GARIN2: variants seen among roughly 807,000 people sequenced by gnomAD.
GARIN2 encodes the protein Golgi-associated RAB2 interactor protein 2.
At chr14:67,207,020 T>C in the GARIN2 span, among the ~76,000 whole-genome samples, 154 of 152,314 alleles carry the variant, frequency 1.0e-3, no homozygotes, top group African/African-American at 3.6e-3. Context: ...TTATTCATTA[T>C]AGGATTTTCC....
the GARIN2 span, chr14:67,200,519 T>A: frequency 3.5e-6 from 1 of 285,776 alleles, no homozygotes; most frequent in Non-Finnish European, 6.4e-6. Flanking sequence ...ATTTTGCAAA[T>A]GCACAGAGAA....
the GARIN2 span, among the ~76,000 whole-genome samples, chr14:67,211,245 A>G: frequency 1.3e-5 from 2 of 152,218 alleles, no homozygotes; most frequent in African/African-American, 2.4e-5. Flanking sequence ...AGGTATAGAT[A>G]TAGATAAAAT....
At chr14:67,212,624 AT>A in the GARIN2 span, among the ~76,000 whole-genome samples, 2 of 145,628 alleles carry the variant, frequency 1.4e-5, no homozygotes, top group Non-Finnish European at 3.0e-5. Context: ...TGTAATATAT[AT>A]TATATATAAT....
At chr14:67,228,297 T>G in the GARIN2 span, 1 of 346,968 alleles carries the variant, frequency 2.9e-6, no homozygotes, top group Non-Finnish European at 4.0e-6. Context: ...TAAATATAAT[T>G]TTGTTTGTTT....
chr14:67,225,962 T>C, the GARIN2 span, among the ~76,000 whole-genome samples: 1,522 of 113,432 alleles, frequency 0.013, 28 homozygotes, highest in Admixed American at 0.06. Context: ...TGTGTGTGTG[T>C]GCGCGCGCGC....
At chr14:67,199,741 A>G in the GARIN2 span, 1 of 1,568,020 alleles carries the variant, frequency 6.4e-7, no homozygotes, top group Non-Finnish European at 8.7e-7. Flanking sequence ...TGGTATCATC[A>G]TTGGGGTCTG....
the GARIN2 span, among the ~76,000 whole-genome samples, chr14:67,209,382 T>A: frequency 9.8e-5 from 15 of 152,302 alleles, no homozygotes; most frequent in African/African-American, 3.4e-4. Context: ...TCAAGGCCAT[T>A]TGAGCAGAGA....
the GARIN2 span, among the ~76,000 whole-genome samples, chr14:67,191,864 G>A: frequency 6.6e-6 from 1 of 152,148 alleles, no homozygotes; most frequent in Admixed American, 6.5e-5. Flanking sequence ...ACTAAAAGTA[G>A]CCAACTACAC....
chr14:67,212,803 T>C, the GARIN2 span, among the ~76,000 whole-genome samples: 2 of 151,812 alleles, frequency 1.3e-5, no homozygotes, highest in African/African-American at 2.4e-5. Context: ...TGGGTGATCC[T>C]TAGGAGAGCC....
chr14:67,196,547 G>T, the GARIN2 span, among the ~76,000 whole-genome samples: 1 of 152,266 alleles, frequency 6.6e-6, no homozygotes, highest in South Asian at 2.1e-4. Context: ...CTTACTAGAA[G>T]ATGTCAACAA....
the GARIN2 span, among the ~76,000 whole-genome samples, chr14:67,212,302 C>A: frequency 6.6e-6 from 1 of 151,846 alleles, no homozygotes; most frequent in Non-Finnish European, 1.5e-5. Flanking sequence ...AAAATGGCTC[C>A]TCTGACAAAA....
the GARIN2 span, among the ~76,000 whole-genome samples, chr14:67,212,644 CA>C: frequency 2.4e-3 from 348 of 142,804 alleles, 1 homozygote; most frequent in African/African-American, 8.5e-3. Context: ...ATATATATTA[CA>C]TATATATATA....
At chr14:67,198,161 A>G in the GARIN2 span, 1 of 1,608,124 alleles carries the variant, frequency 6.2e-7, no homozygotes, top group South Asian at 1.1e-5. Flanking sequence ...GTGCAAGCGC[A>G]ATGAAGAAGA....
At chr14:67,208,094 C>T in the GARIN2 span, 1 of 1,461,350 alleles carries the variant, frequency 6.8e-7, no homozygotes, top group South Asian at 1.4e-5. Flanking sequence ...CTCACGGGTG[C>T]TCAGTGACGA....
chr14:67,225,007 T>G, the GARIN2 span: 29 of 869,578 alleles, frequency 3.3e-5, no homozygotes, highest in Non-Finnish European at 4.5e-5. Context: ...AATAAGCTCT[T>G]TCTCCTTCTG....
At chr14:67,207,432 C>T in the GARIN2 span, among the ~76,000 whole-genome samples, 1 of 152,036 alleles carries the variant, frequency 6.6e-6, no homozygotes, top group Non-Finnish European at 1.5e-5. Context: ...GAGGACAGCA[C>T]CAAGCCATTC....
the GARIN2 span, chr14:67,198,885 G>A: frequency 1.5e-6 from 1 of 683,450 alleles, no homozygotes; most frequent in South Asian, 1.5e-5. Context: ...AATGATAGGG[G>A]TCATACCTCT....
the GARIN2 span, among the ~76,000 whole-genome samples, chr14:67,190,998 C>A: frequency 6.6e-6 from 1 of 152,332 alleles, no homozygotes; most frequent in Admixed American, 6.5e-5. Context: ...CTTTGGGAGG[C>A]TGAGGCAGGT....
At chr14:67,224,932 C>A in the GARIN2 span, 2 of 503,512 alleles carry the variant, frequency 4.0e-6, no homozygotes, top group Non-Finnish European at 6.8e-6. Flanking sequence ...ACAATAAGCT[C>A]CATTGCAAAG....
Sources: allele counts gnomAD v4.1 joint callset (sites outside exome capture counted in the v4.1 genomes callset), GRCh38; gene constraint gnomAD v4.1.1; transcripts MANE v1.5; gene names NCBI Gene and HGNC (gene_info 2026-07-23, HGNC 2026-07-21).